Variants in GRIP1 observed in about 807,000 individuals in gnomAD.
GRIP1 encodes the protein glutamate receptor interacting protein 1.
A neutral mutation model predicts 129.9 loss-of-function variants in GRIP1; 45 were observed. The observed-to-expected ratio is 0.35, with a 90% CI of 0.27 to 0.44. The LOEUF (loss-of-function observed/expected upper bound fraction) is 0.44, where lower values mean the gene tolerates loss of function less well. GRIP1 is among the 20% of genes least tolerant of loss of function. GRIP1 has a pLI of 1.00. For synonymous variants in GRIP1, 530 were observed against 520.8 expected, an observed-to-expected ratio of 1.02 and a Z score of -0.24; for missense variants, 1,196 against 1,396.8, an observed-to-expected ratio of 0.86 and a Z score of 2.29.
chr12:66,782,091 T>C (rs1306054652), intron 1 of GRIP1, among the ~76,000 whole-genome samples: 2 of 152,224 alleles, frequency 1.3e-5, no homozygotes, highest in Admixed American at 6.5e-5. Flanking sequence ...TTTGAGGTGC[T>C]GGCTAATGTT....
At chr12:66,651,418 C>T (rs764879858) in intron 1 of GRIP1, among the ~76,000 whole-genome samples, 3 of 152,194 alleles carry the variant, frequency 2.0e-5, no homozygotes, top group Non-Finnish European at 4.4e-5. Context: ...ATACTGTGTT[C>T]TGCTCTAGGG....
At chr12:67,054,222 T>A (rs1303803845) in intron 1 of GRIP1, among the ~76,000 whole-genome samples, 4 of 152,236 alleles carry the variant, frequency 2.6e-5, no homozygotes, top group Admixed American at 1.3e-4. Flanking sequence ...TATCATCATC[T>A]GCAAATCATT....
upstream of GRIP1, among the ~76,000 whole-genome samples, chr12:66,804,655 C>T (rs2038951778): frequency 6.6e-6 from 1 of 152,172 alleles, no homozygotes; most frequent in Non-Finnish European, 1.5e-5. Context: ...CGGGGAAACA[C>T]ATTAGTCAAT....
intron 1 of GRIP1, among the ~76,000 whole-genome samples, chr12:66,644,710 G>T (rs2136107862): frequency 6.6e-6 from 1 of 152,172 alleles, no homozygotes. Context: ...TCTTACGTAG[G>T]ACTCTGTCTG....
intron 1 of GRIP1, among the ~76,000 whole-genome samples, chr12:67,057,536 T>C (rs982748499): frequency 1.3e-5 from 2 of 151,992 alleles, no homozygotes; most frequent in African/African-American, 4.8e-5. Context: ...TTTTCCAGTA[T>C]GATCATTAGG....
At chr12:67,069,205 C>G, upstream of GRIP1, 1 of 693,246 alleles carries the variant, frequency 1.4e-6, no homozygotes, top group Non-Finnish European at 1.8e-6. Flanking sequence ...CTAGGGCAGC[C>G]GCGCCGGGGC....
chr12:66,624,069 G>C (rs765824849), intron 1 of GRIP1, among the ~76,000 whole-genome samples: 1 of 152,138 alleles, frequency 6.6e-6, no homozygotes, highest in Non-Finnish European at 1.5e-5. Context: ...CACTGTGCTA[G>C]ATGATGGAAA....
intron 1 of GRIP1, among the ~76,000 whole-genome samples, chr12:66,978,414 T>C (rs1402538587): frequency 1.3e-5 from 2 of 152,188 alleles, no homozygotes; most frequent in Non-Finnish European, 2.9e-5. Context: ...ATACATCAAA[T>C]TGAAAGCATG....
Position 66,450,461 on chromosome 12 carries a change from T to C in GRIP1, c.1354+4948A>G, listed in dbSNP as rs1041627309. On this transcript the variant is annotated intron_variant, in intron 11 of 24. Coordinates refer to ENST00000359742, the MANE Select transcript of GRIP1 (RefSeq NM_001366722.1). Reference sequence around the variant, plus strand: ...CAGAGAAGATAGTTGAATAATTTTATTCTCTAGAAGGTTTTGAAAATAAGT... The same window carrying C: ...CAGAGAAGATAGTTGAATAATTTTACTCTCTAGAAGGTTTTGAAAATAAGT... Among the ~76,000 whole-genome samples, 4 of 151,742 alleles carry C rather than the reference T, an allele frequency of 2.6e-5. No individual in the cohort carries two copies. In the East Asian group the frequency reaches 5.8e-4, roughly 22 times the overall value.
intron 1 of GRIP1, among the ~76,000 whole-genome samples, chr12:66,821,338 G>T (rs539617630): frequency 3.9e-5 from 6 of 152,152 alleles, no homozygotes; most frequent in Non-Finnish European, 7.4e-5. Flanking sequence ...TAAATATTTT[G>T]TATCACAGCA....
chr12:66,946,510 A>G (rs1175458121), intron 1 of GRIP1, among the ~76,000 whole-genome samples: 1 of 152,012 alleles, frequency 6.6e-6, no homozygotes, highest in East Asian at 1.9e-4. Flanking sequence ...ACTTTCAAAC[A>G]GTGGTACCAG....
intron 1 of GRIP1, among the ~76,000 whole-genome samples, chr12:66,911,273 T>C (rs1006703242): frequency 1.4e-4 from 22 of 152,368 alleles, no homozygotes; most frequent in African/African-American, 5.3e-4. Context: ...ACAAAATGGT[T>C]GATTATGCTT....
chr12:66,530,189 G>A (rs186247358), intron 4 of GRIP1, among the ~76,000 whole-genome samples: 4 of 151,980 alleles, frequency 2.6e-5, no homozygotes, highest in Admixed American at 6.6e-5. Context: ...GATAAGAGGG[G>A]GATATTTACA....
At chr12:66,729,673 A>G (rs776683657) in intron 1 of GRIP1, among the ~76,000 whole-genome samples, 2 of 152,092 alleles carry the variant, frequency 1.3e-5, no homozygotes, top group Non-Finnish European at 2.9e-5. Flanking sequence ...TCCTGGGTTC[A>G]TGCCATTCTC....
intron 1 of GRIP1, among the ~76,000 whole-genome samples, chr12:66,797,066 G>GTAA (rs1272158142): frequency 6.6e-6 from 1 of 152,102 alleles, no homozygotes; most frequent in East Asian, 1.9e-4. Context: ...GTAAGATTAT[G>GTAA]TAATAGTTAG....
intron 15 of GRIP1, among the ~76,000 whole-genome samples, chr12:66,409,572 T>C (rs2057312696): frequency 6.6e-6 from 1 of 152,084 alleles, no homozygotes; most frequent in Non-Finnish European, 1.5e-5. Flanking sequence ...GAAGGACAGG[T>C]ACAAACAAGC....
At chr12:67,067,480 A>G (rs2043649102) in intron 1 of GRIP1, among the ~76,000 whole-genome samples, 1 of 152,168 alleles carries the variant, frequency 6.6e-6, no homozygotes, top group South Asian at 2.1e-4. Flanking sequence ...TGGTACTGCT[A>G]TTTGCAACTT....
chr12:66,518,113 A>C lies in GRIP1; in HGVS notation c.503-137T>G, dbSNP rs887686964. ...ATGTAAAATTTTCCTTGAGGCATAC[A>C]AAAGCCTTAAAGGTCTTGCTCATTT... On this transcript the variant is annotated intron_variant, in intron 5 of 24. Coordinates refer to ENST00000359742, the MANE Select transcript of GRIP1 (RefSeq NM_001366722.1). 1.8e-5 allele frequency: 13 copies of C among 707,322 alleles called. No individual in the cohort carries two copies. In the African/African-American group the frequency reaches 2.1e-4, roughly 11 times the overall value. 43.8% of individuals were successfully genotyped at this position (707,322 alleles called of 1,614,324 possible).
At chr12:66,656,398 C>T (rs2033159989) in intron 1 of GRIP1, among the ~76,000 whole-genome samples, 1 of 152,034 alleles carries the variant, frequency 6.6e-6, no homozygotes, top group Admixed American at 6.5e-5. Context: ...TATCTGACAA[C>T]ACCTGGCTTG....
Sources: gnomAD v4.1 joint callset for allele counts (sites outside exome capture counted in the v4.1 genomes callset) on GRCh38, gnomAD v4.1.1 for gene constraint, MANE v1.5 for transcripts, NCBI Gene and HGNC (gene_info 2026-07-23, HGNC 2026-07-21) for gene names.